The following RAB27A variants were observed in gnomAD, a reference collection of about 807,000 sequenced individuals.
RAB27A encodes the protein RAB27A, member RAS oncogene family.
In RAB27A, 17 loss-of-function variants were observed where a neutral mutation model predicts 20.8. The ratio of observed to expected loss-of-function variants is 0.82; its 90% CI spans 0.56 to 1.23. The LOEUF (loss-of-function observed/expected upper bound fraction) is 1.23, where lower values mean the gene tolerates loss of function less well. Among genes scored for constraint, RAB27A ranks in the 50% most tolerant of loss-of-function variants. RAB27A has a pLI of 0.00. For missense variants in RAB27A, 277 were observed against 266.7 expected (o/e 1.04, Z -0.27); for synonymous variants, 85 against 92.8 (o/e 0.92, Z 0.48).
At chr15:55,290,686 G>A (rs1466631139), upstream of RAB27A, among the ~76,000 whole-genome samples, 2 of 152,226 alleles carry the variant, frequency 1.3e-5, no homozygotes, top group Non-Finnish European at 2.9e-5. Context: ...AGTGAACCTG[G>A]GACTGCGTAG....
At chr15:55,275,918 TAAA>T (rs60106785) in intron 1 of RAB27A, among the ~76,000 whole-genome samples, 14 of 104,130 alleles carry the variant, frequency 1.3e-4, no homozygotes, top group African/African-American at 4.5e-4. Context: ...GATGGCTAAT[TAAA>T]AAAAAAAAAA....
intron 2 of RAB27A, among the ~76,000 whole-genome samples, chr15:55,299,592 C>CAAAAAA (rs570200207): frequency 1.4e-5 from 1 of 70,312 alleles, no homozygotes; most frequent in African/African-American, 5.4e-5. Context: ...GAATCTGTCT[C>CAAAAAA]AAAAAAAAAA....
At chr15:55,313,123 G>A (rs1313176825) in intron 2 of RAB27A, among the ~76,000 whole-genome samples, 1 of 152,142 alleles carries the variant, frequency 6.6e-6, no homozygotes, top group African/African-American at 2.4e-5. Flanking sequence ...TAAGTGCATA[G>A]GAAAAAATCT....
chr15:55,224,608 A>G (rs1027112590), intron 5 of RAB27A, among the ~76,000 whole-genome samples: 4 of 152,234 alleles, frequency 2.6e-5, no homozygotes, highest in South Asian at 2.1e-4. Flanking sequence ...AAGTGGAAGC[A>G]GAGGACTATA....
intron 4 of RAB27A, among the ~76,000 whole-genome samples, chr15:55,229,621 G>A (rs1895952861): frequency 6.6e-6 from 1 of 151,878 alleles, no homozygotes; most frequent in Non-Finnish European, 1.5e-5. Flanking sequence ...GTTGCGGTGA[G>A]CTGAGATCAC....
At chr15:55,257,188 A>G (rs373007913) in intron 2 of RAB27A, among the ~76,000 whole-genome samples, 14 of 152,190 alleles carry the variant, frequency 9.2e-5, no homozygotes, top group East Asian at 7.7e-4. Context: ...TGTGGGTGGT[A>G]TCAGATTTTT....
intron 2 of RAB27A, among the ~76,000 whole-genome samples, chr15:55,301,886 T>G (rs1328424294): frequency 6.6e-6 from 1 of 152,026 alleles, no homozygotes; most frequent in African/African-American, 2.4e-5. Flanking sequence ...CCTCATGTGA[T>G]CCACCCACCT....
intron 2 of RAB27A, among the ~76,000 whole-genome samples, chr15:55,261,868 T>C (rs192739874): frequency 6.6e-5 from 10 of 151,586 alleles, no homozygotes; most frequent in Admixed American, 4.6e-4. Flanking sequence ...TGCAATCCCA[T>C]CTCTACTAAA....
chr15:55,256,073 T>C (rs1214317518), intron 2 of RAB27A, among the ~76,000 whole-genome samples: 3 of 152,104 alleles, frequency 2.0e-5, no homozygotes, highest in Non-Finnish European at 4.4e-5. Flanking sequence ...ACTGGGTACA[T>C]GTAAGATCGT....
chr15:55,255,318 A>G (rs1897039146), intron 2 of RAB27A, among the ~76,000 whole-genome samples: 1 of 152,200 alleles, frequency 6.6e-6, no homozygotes, highest in African/African-American at 2.4e-5. Flanking sequence ...AATGTTTATT[A>G]ATATGAATGA....
intron 6 of RAB27A, among the ~76,000 whole-genome samples, chr15:55,210,060 A>G (rs552811751): frequency 1.5e-4 from 20 of 137,510 alleles, no homozygotes; most frequent in Admixed American, 2.8e-4. Context: ...ATATACACAT[A>G]TGTGTGTGTA....
intron 2 of RAB27A, among the ~76,000 whole-genome samples, chr15:55,304,656 T>A (rs1364638547): frequency 5.9e-5 from 9 of 152,216 alleles, no homozygotes; most frequent in Admixed American, 3.9e-4. Flanking sequence ...TAATGTATTC[T>A]AATTTTTTCC....
chr15:55,317,829 T>G (rs1595760031), intron 1 of RAB27A: 2 of 397,244 alleles, frequency 5.0e-6, no homozygotes, highest in South Asian at 1.3e-4. Context: ...AAGCTGGTTT[T>G]GGAAAGTCAC....
rs367693689 is a variant in RAB27A at position 55,299,422 on chromosome 15, C to T, written c.-112+14617G>A. ...CAGCCTGGCCAACATGGCAAAACCCCGTCTCTACTAAAAATACAAAAATTA... is the reference window on the plus strand; with the variant it reads ...CAGCCTGGCCAACATGGCAAAACCCTGTCTCTACTAAAAATACAAAAATTA... On this transcript the variant is annotated intron_variant, in intron 2 of 5. Coordinates refer to the RAB27A transcript ENST00000563262. Among the ~76,000 whole-genome samples the T allele has an allele frequency of 2.0e-4, 31 of 152,096 alleles. 1 individual carries two copies. Among genetic ancestry groups the T allele is most frequent in the South Asian group, 8.3e-4 (4 of 4,810 alleles).
At chr15:55,303,804 C>T (rs1215526684) in intron 2 of RAB27A, among the ~76,000 whole-genome samples, 5 of 125,130 alleles carry the variant, frequency 4.0e-5, no homozygotes, top group East Asian at 2.9e-4. Flanking sequence ...GTCAGCCCCC[C>T]GCCCGGCCAG....
At chr15:55,254,927 A>T (rs1026620657) in intron 2 of RAB27A, among the ~76,000 whole-genome samples, 5 of 152,252 alleles carry the variant, frequency 3.3e-5, no homozygotes, top group African/African-American at 1.2e-4. Context: ...TTGTCCAAGT[A>T]TTAGAACTTT....
At position 55,205,512 on chromosome 15, in the gene RAB27A, A is replaced by G; in HGVS notation, c.661T>C (p.Cys221Arg). ...SEEKEKGACGC is the reference protein window; with the variant it reads ...SEEKEKGACGR ...TATGTCGCTTACTTGACTTCTCAAC[A>G]GCCACATGCCCCTTTCTCCTTTTCT... The change falls in exon 7 of 7, where the codon TGT (cysteine) becomes CGT (arginine). Residue 221 changes from cysteine to arginine, a missense_variant. Cys to Arg is a radical substitution (Grantham distance 180). Transcript: ENST00000336787. The G allele has an allele frequency of 6.2e-7, 1 of 1,614,120 alleles. No individual in the cohort carries two copies. Among genetic ancestry groups the G allele is most frequent in the Non-Finnish European group, 8.5e-7 (1 of 1,179,986 alleles).
At chr15:55,303,722 C>T (rs1295284785) in intron 2 of RAB27A, among the ~76,000 whole-genome samples, 10 of 136,060 alleles carry the variant, frequency 7.3e-5, no homozygotes, top group Admixed American at 1.4e-4. Context: ...CACCTCTGCC[C>T]GGCCACCCCT....
rs547669512 is a variant in RAB27A at position 55,228,787 on chromosome 15, T to C, written c.240-75A>G. 1.9e-5 allele frequency: 19 copies of C among 1,012,672 alleles called. 1 individual carries two copies. In the African/African-American group the frequency reaches 2.8e-4, roughly 15 times the overall value. The allele number at this position is 1,012,672 out of a possible 1,614,324, so 62.7% of individuals were successfully genotyped here. A position where few individuals can be genotyped will look rare whatever the true frequency, so the allele number is the denominator to read the frequency against. Reference sequence around the variant, plus strand: ...AAATATAAAACTACAAGCAATGCCTTCAGCCTCTTACAAAAGTTTACCAAT... The same window carrying C: ...AAATATAAAACTACAAGCAATGCCTCCAGCCTCTTACAAAAGTTTACCAAT... On this transcript the variant is annotated intron_variant, in intron 4 of 6. Coordinates refer to ENST00000336787, the MANE Select transcript of RAB27A (RefSeq NM_183235.3).
Sources: gnomAD v4.1 joint callset for allele counts (sites outside exome capture counted in the v4.1 genomes callset) on GRCh38, gnomAD v4.1.1 for gene constraint, MANE v1.5 for transcripts, NCBI Gene and HGNC (gene_info 2026-07-23, HGNC 2026-07-21) for gene names.